The following CFAP157 variants were observed in gnomAD, a reference collection of about 807,000 sequenced individuals.
The protein encoded by CFAP157 is cilia and flagella associated protein 157, also known as cilia- and flagella-associated protein 157.
In CFAP157, 43 loss-of-function variants were observed where a neutral mutation model predicts 57.8. That is an observed-to-expected ratio of 0.74 (90% CI 0.58 to 0.96). The LOEUF (loss-of-function observed/expected upper bound fraction) is 0.96, where lower values mean the gene tolerates loss of function less well. CFAP157 is among the 40% of genes least tolerant of loss of function. The probability of loss-of-function intolerance (pLI) is 0.00; values close to 1 mark genes in which losing one functional copy is unlikely to be tolerated. For synonymous variants in CFAP157, 267 were observed against 269.0 expected (o/e 0.99, Z 0.07); for missense variants, 606 against 655.3 (o/e 0.92, Z 0.82).
In CFAP157 at chr9:127,715,490, C is replaced by T; in HGVS notation, c.*1585C>T. On this transcript the variant is annotated 3_prime_UTR_variant, in exon 9 of 9. Coordinates refer to ENST00000373295, the MANE Select transcript of CFAP157 (RefSeq NM_001012502.3). This position sits in a 1 kb window ranked among gnomAD's most constrained non-coding sequence, Gnocchi z 5.8. ...GCACTCGGCTCCCGGGACATAATGG[C>T]CGAACTGAAGCTAGGGACCGGGAGC... is the stretch of plus-strand genomic sequence containing the variant. 1 of 1,611,518 alleles carries T rather than the reference C, an allele frequency of 6.2e-7. No individual in the cohort carries two copies. The highest frequency in any genetic ancestry group is 8.5e-7 in the Non-Finnish European group (1 of 1,179,192).
chr9:127,711,307 G>A lies in CFAP157; in HGVS notation c.666G>A (p.Glu222=), dbSNP rs764658988. ...FHKVTTNRMW[E]TTKRAIKENN... ...AGGTGACCACGAACCGGATGTGGGAGACAACCAAGCGGGCCATCAAAGAGA... is the reference window on the plus strand; with the variant it reads ...AGGTGACCACGAACCGGATGTGGGAAACAACCAAGCGGGCCATCAAAGAGA... Residue 222 remains glutamate, a synonymous_variant, in exon 4 of 9, where the codon GAG becomes GAA. Coordinates refer to ENST00000373295, the MANE Select transcript of CFAP157 (RefSeq NM_001012502.3). 1 of 1,614,198 alleles carries A rather than the reference G, an allele frequency of 6.2e-7. No individual in the cohort carries two copies.
intron 6 of CFAP157, 40 bp from the exon 7 acceptor site, chr9:127,712,669 G>A: frequency 2.5e-6 from 4 of 1,613,922 alleles, no homozygotes; most frequent in Non-Finnish European, 3.4e-6. Context: ...TGGGTACTGG[G>A]GCCACTGTGG....
Position 127,715,534 on chromosome 9 carries a change from C to A in CFAP157, c.*1629C>A, listed in dbSNP as rs1259617064. 1 of 1,613,414 alleles carries A rather than the reference C, an allele frequency of 6.2e-7. No homozygotes were observed. The highest frequency in any genetic ancestry group is 1.3e-5 in the African/African-American group (1 of 75,050). On this transcript the variant is annotated 3_prime_UTR_variant, in exon 9 of 9. Coordinates refer to ENST00000373295, the MANE Select transcript of CFAP157 (RefSeq NM_001012502.3). This position sits in a 1 kb window ranked among gnomAD's most constrained non-coding sequence, Gnocchi z 5.8. ...CGGGAGCCCCTACGTCGCCGCCCCA[C>A]GCCACTCACCATCCACCGCTTCCCC... is the stretch of plus-strand genomic sequence containing the variant.
intron 4 of CFAP157, 147 bp downstream of exon 4, chr9:127,711,643 G>A: frequency 8.3e-7 from 1 of 1,202,208 alleles, no homozygotes; most frequent in Non-Finnish European, 1.1e-6. Context: ...GGGGCTGCAG[G>A]GTGCTGGGCC....
chr9:127,709,775 G>A lies in CFAP157; in HGVS notation c.433+82G>A. The A allele has an allele frequency of 6.9e-7, 1 of 1,444,334 alleles. No homozygotes were observed. The highest frequency in any genetic ancestry group is 9.4e-7 in the Non-Finnish European group (1 of 1,061,534). 89.5% of individuals were successfully genotyped at this position (1,444,334 alleles called of 1,614,324 possible). On this transcript the variant is annotated intron_variant, in intron 2 of 8. Coordinates refer to ENST00000373295, the MANE Select transcript of CFAP157 (RefSeq NM_001012502.3). This position sits in a 1 kb window ranked among gnomAD's most constrained non-coding sequence, Gnocchi z 4.7. ...CCCTGTTTCTCACCTGGGAAACAGGGATAATAGCCACATGCTGCTTGGCAC... is the reference window on the plus strand; with the variant it reads ...CCCTGTTTCTCACCTGGGAAACAGGAATAATAGCCACATGCTGCTTGGCAC...
At position 127,715,950 on chromosome 9, in the gene CFAP157, C is replaced by T; in HGVS notation, c.*2045C>T. Reference sequence around the variant, plus strand: ...ACTTGCGGCGAAAATCTGGCAAGTCCTTTCCCCGCTGTAGGCCTCAACCTC... The same window carrying T: ...ACTTGCGGCGAAAATCTGGCAAGTCTTTTCCCCGCTGTAGGCCTCAACCTC... On this transcript the variant is annotated 3_prime_UTR_variant, in exon 9 of 9. Coordinates refer to ENST00000373295, the MANE Select transcript of CFAP157 (RefSeq NM_001012502.3). This position sits in a 1 kb window ranked among gnomAD's most constrained non-coding sequence, Gnocchi z 5.8. 1 of 839,696 alleles carries T rather than the reference C, an allele frequency of 1.2e-6. No homozygotes were observed. The highest frequency in any genetic ancestry group is 1.8e-6 in the Non-Finnish European group (1 of 540,866). 52.0% of individuals were successfully genotyped at this position (839,696 alleles called of 1,614,324 possible).
In CFAP157 at chr9:127,712,388, G is replaced by A. The variant is rs200406757; in HGVS notation, c.1137+39G>A. The stretch of plus-strand genomic sequence containing the variant: ...AGAGAGGGAGGGCGCAAGGGGAGGG[G>A]GAGTGAGCGCAAGATGGAAGCTGCT... On this transcript the variant is annotated intron_variant, in intron 6 of 8. Transcript: ENST00000373295. The A allele has an allele frequency of 8.7e-6, 14 of 1,608,816 alleles. No individual in the cohort carries two copies. In the African/African-American group the frequency reaches 1.2e-4, roughly 14 times the overall value.
chr9:127,714,331 G>C lies in CFAP157; in HGVS notation c.*426G>C, dbSNP rs1318680442. ...AGGAAGCTTTGGCGAGGTGCTGGGGGACCCCTGGCCCACCCGACCCAGTTG... is the reference window on the plus strand; with the variant it reads ...AGGAAGCTTTGGCGAGGTGCTGGGGCACCCCTGGCCCACCCGACCCAGTTG... On this transcript the variant is annotated 3_prime_UTR_variant, in exon 9 of 9. Coordinates refer to ENST00000373295, the MANE Select transcript of CFAP157 (RefSeq NM_001012502.3). 1 of 1,614,088 alleles carries C rather than the reference G, an allele frequency of 6.2e-7. No individual in the cohort carries two copies. The highest frequency in any genetic ancestry group is 1.7e-4 in the Middle Eastern group (1 of 6,060).
chr9:127,708,803 G>T (rs1842702282), intron 1 of CFAP157, among the ~76,000 whole-genome samples: 1 of 152,238 alleles, frequency 6.6e-6, no homozygotes, highest in Non-Finnish European at 1.5e-5. Flanking sequence ...TCAGGGCCAA[G>T]AAGGGTCCAC....
chr9:127,712,867 C>T lies in CFAP157; in HGVS notation c.1296C>T (p.Pro432=). The T allele has an allele frequency of 6.2e-7, 1 of 1,610,756 alleles. No individual in the cohort carries two copies. The highest frequency in any genetic ancestry group is 1.1e-5 in the South Asian group (1 of 90,572). ...AGGAGTCACAGTCCCATGGCCCACC[C>T]AAGGAGAGGTAAGCAAGTGGCCCTG... ...PHQESQSHGP[P]KESRPSIQLP... The change falls in exon 7 of 9, where the codon CCC becomes CCT. Residue 432 remains proline, a synonymous_variant. Transcript: ENST00000373295.
At position 127,713,072 on chromosome 9, in the gene CFAP157, G is replaced by C; in HGVS notation, c.1357G>C (p.Asp453His). The C allele has an allele frequency of 6.2e-7, 1 of 1,613,940 alleles. No homozygotes were observed. The highest frequency in any genetic ancestry group is 8.5e-7 in the Non-Finnish European group (1 of 1,179,950). The change falls in exon 8 of 9, where the codon GAC (aspartate) becomes CAC (histidine). Residue 453 changes from aspartate to histidine, a missense_variant. Coordinates refer to ENST00000373295, the MANE Select transcript of CFAP157 (RefSeq NM_001012502.3). ...TGGGTCTCTGCTGCCGCAGCTCTCT[G>C]ACATCACCCCCTACCAGCCGGGGGA... ...RTGSLLPQLS[D>H]ITPYQPGDLG...
At position 127,711,320 on chromosome 9, in the gene CFAP157, G is replaced by A; in HGVS notation, c.679G>A (p.Ala227Thr). The stretch of plus-strand genomic sequence containing the variant: ...CCGGATGTGGGAGACAACCAAGCGG[G>A]CCATCAAAGAGAACAACGGCATTAC... ...TNRMWETTKR[A>T]IKENNGITLQ... The change falls in exon 4 of 9, where the codon GCC becomes ACC. Residue 227 changes from alanine (A) to threonine (T), a missense_variant. Coordinates refer to ENST00000373295, the MANE Select transcript of CFAP157 (RefSeq NM_001012502.3). 4 of 1,614,198 alleles carry A rather than the reference G, an allele frequency of 2.5e-6. No homozygotes were observed. Among genetic ancestry groups the A allele is most frequent in the East Asian group, 2.2e-5 (1 of 44,888 alleles).
At chr9:127,707,222 G>A (rs1842666865) in intron 1 of CFAP157, 30 bp downstream of exon 1, 1 of 1,601,776 alleles carries the variant, frequency 6.2e-7, no homozygotes, top group African/African-American at 1.3e-5. Flanking sequence ...GGAGTCTGGT[G>A]CCCTGGGTCA....
In CFAP157 at chr9:127,714,619, G is replaced by T; in HGVS notation, c.*714G>T. 1 of 1,613,882 alleles carries T rather than the reference G, an allele frequency of 6.2e-7. No homozygotes were observed. The highest frequency in any genetic ancestry group is 1.3e-5 in the African/African-American group (1 of 75,018). Reference sequence around the variant, plus strand: ...GGACCTCACCTGGCACTGCCCCCCAGCTTCAGAGCCAGTCTCCCCAGGGGC... The same window carrying T: ...GGACCTCACCTGGCACTGCCCCCCATCTTCAGAGCCAGTCTCCCCAGGGGC... On this transcript the variant is annotated 3_prime_UTR_variant, in exon 9 of 9. Coordinates refer to ENST00000373295, the MANE Select transcript of CFAP157 (RefSeq NM_001012502.3).
rs1397535051 is a variant in CFAP157, at chr9:127,714,403, G to A, written c.*498G>A. The A allele has an allele frequency of 1.2e-6, 2 of 1,614,236 alleles. No individual in the cohort carries two copies. The highest frequency in any genetic ancestry group is 3.3e-5 in the Admixed American group (2 of 60,026). ...CATTGGAGTTGAGGCAGCTAATGCAGGAACGGACTCCATTGTGGCCCCTTC... is the reference window on the plus strand; with the variant it reads ...CATTGGAGTTGAGGCAGCTAATGCAAGAACGGACTCCATTGTGGCCCCTTC... On this transcript the variant is annotated 3_prime_UTR_variant, in exon 9 of 9. Transcript: ENST00000373295.
At chr9:127,707,649 A>G (rs193046255) in intron 1 of CFAP157, among the ~76,000 whole-genome samples, 12 of 152,254 alleles carry the variant, frequency 7.9e-5, no homozygotes, top group African/African-American at 2.6e-4. Flanking sequence ...TTCCCCAAAT[A>G]TAAGTGGGGA....
At position 127,712,184 on chromosome 9, in the gene CFAP157, C is replaced by G; in HGVS notation, c.987-15C>G. 6.2e-7 allele frequency: 1 copy of G among 1,613,590 alleles called. No individual in the cohort carries two copies. Among genetic ancestry groups the G allele is most frequent in the South Asian group, 1.1e-5 (1 of 90,998 alleles). ...GAAGGGGGAAGGCTGTTGACTCATC[C>G]CAGTTGGGGTCCAGGAGCCAGAGAG... On this transcript the variant is annotated splice_polypyrimidine_tract_variant and intron_variant, in intron 5 of 8. Coordinates refer to ENST00000373295, the MANE Select transcript of CFAP157 (RefSeq NM_001012502.3).
Position 127,710,586 on chromosome 9 carries a change from C to A in CFAP157, c.434-15C>A. The A allele has an allele frequency of 6.4e-7, 1 of 1,570,346 alleles. No homozygotes were observed. Among genetic ancestry groups the A allele is most frequent in the Non-Finnish European group, 8.6e-7 (1 of 1,157,470 alleles). ...AGGCAGCCCATCATTGGGCCTTGTG[C>A]GCTGTGGCGGCCAGGGGGGAAGCTG... is the stretch of plus-strand genomic sequence containing the variant. On this transcript the variant is annotated splice_polypyrimidine_tract_variant and intron_variant, in intron 2 of 8. Coordinates refer to ENST00000373295, the MANE Select transcript of CFAP157 (RefSeq NM_001012502.3).
At position 127,714,030 on chromosome 9, in the gene CFAP157, C is replaced by A. The variant is rs374423214; in HGVS notation, c.*125C>A. ...TATAAAAAGTAGATACCAAGGCTGG[C>A]GTGGCAGCTCTGTGGCAGTGGCTGG... On this transcript the variant is annotated 3_prime_UTR_variant, in exon 9 of 9. Transcript: ENST00000373295. 10 of 1,584,428 alleles carry A rather than the reference C, an allele frequency of 6.3e-6. No homozygotes were observed. The Admixed American group carries it at 6.8e-5, about 11-fold the overall frequency.
Sources: allele counts gnomAD v4.1 joint callset (sites outside exome capture counted in the v4.1 genomes callset), GRCh38; gene constraint gnomAD v4.1.1; non-coding constraint Gnocchi (gnomAD v3.1); transcripts MANE v1.5; gene names NCBI Gene and HGNC (gene_info 2026-07-23, HGNC 2026-07-21).